ADGRF4: variants seen among roughly 807,000 people sequenced by gnomAD.
ADGRF4 encodes the protein G-protein coupled receptor PGR18.
ADGRF4 carries 63 observed loss-of-function variants against 58.5 expected under a neutral mutation model. That is an observed-to-expected ratio of 1.08 (90% CI 0.88 to 1.33). The LOEUF is 1.33. Ranked by LOEUF, ADGRF4 falls within the 40% of genes most tolerant of loss-of-function variation. The probability of loss-of-function intolerance (pLI) is 0.00; values close to 1 mark genes in which losing one functional copy is unlikely to be tolerated. For synonymous variants in ADGRF4, 313 were observed against 295.4 expected (o/e 1.06, Z -0.61); for missense variants, 931 against 843.9 (o/e 1.10, Z -1.28).
chr6:47,718,494 T>A, intron 9 of ADGRF4, 49 bp downstream of exon 9: 1 of 1,070,504 alleles, frequency 9.3e-7, no homozygotes, highest in South Asian at 1.3e-5. Context: ...TTTGTGTCAA[T>A]CCACCAATGC....
Position 47,712,618 on chromosome 6 carries a change from G to T in ADGRF4, c.552+10G>T. 6.4e-7 allele frequency: 1 copy of T among 1,561,496 alleles called. No homozygotes were observed. The highest frequency in any genetic ancestry group is 1.1e-5 in the South Asian group (1 of 88,584). On this transcript the variant is annotated intron_variant, in intron 5 of 9. Transcript: ENST00000283303. ...TCGAGAGAAAATGAAGGTATTCTTTGTTAATCATTTAAAAATGATGTTTTT... is the reference window on the plus strand; with the variant it reads ...TCGAGAGAAAATGAAGGTATTCTTTTTTAATCATTTAAAAATGATGTTTTT...
intron 5 of ADGRF4, 110 bp from the exon 6 acceptor site, chr6:47,713,688 T>C (rs1771925627): frequency 3.7e-6 from 3 of 817,658 alleles, no homozygotes; most frequent in Admixed American, 6.2e-5. Flanking sequence ...AAGAGAAATA[T>C]GCCAAATAAG....
At chr6:47,719,200 G>T (rs149463389) in intron 9 of ADGRF4, among the ~76,000 whole-genome samples, 1 of 152,278 alleles carries the variant, frequency 6.6e-6, no homozygotes, top group African/African-American at 2.4e-5. Flanking sequence ...GAGTCTCATG[G>T]AACCAAAGAC....
At chr6:47,719,969 C>T (rs914421440) in intron 9 of ADGRF4, among the ~76,000 whole-genome samples, 2 of 152,158 alleles carry the variant, frequency 1.3e-5, no homozygotes, top group African/African-American at 4.8e-5. Flanking sequence ...GGACTGGATT[C>T]TTTTAGCATA....
chr6:47,698,964 T>C (rs1209067794), intron 1 of ADGRF4, among the ~76,000 whole-genome samples, 170 bp downstream of exon 1: 4 of 152,178 alleles, frequency 2.6e-5, no homozygotes, highest in Non-Finnish European at 5.9e-5. Flanking sequence ...AAGGTTGGAG[T>C]ATTTCCTAAG....
At chr6:47,711,337 A>C (rs1219898861) in intron 4 of ADGRF4, among the ~76,000 whole-genome samples, 1 of 152,092 alleles carries the variant, frequency 6.6e-6, no homozygotes, top group Non-Finnish European at 1.5e-5. Context: ...ATCTCAGCTC[A>C]CTGCAACCTC....
chr6:47,715,177 G>A lies in ADGRF4; in HGVS notation c.1932G>A (p.Gln644=), dbSNP rs1210019261. ...TTTTTGCCTTGCTCAATGCTTTCCA[G>A]GTAAGTTCCAAGAGGGAGACTTTTC... ...HIIFALLNAF[Q]GFFILLFGTI... The change falls in exon 6 of 10, where the codon CAG becomes CAA. Residue 644 remains glutamine (Q), a splice_region_variant and synonymous_variant. Transcript: ENST00000283303. The A allele has an allele frequency of 6.4e-7, 1 of 1,571,144 alleles. No homozygotes were observed. Among genetic ancestry groups the A allele is most frequent in the South Asian group, 1.2e-5 (1 of 85,980 alleles).
chr6:47,699,447 G>C (rs9357557), intron 1 of ADGRF4, among the ~76,000 whole-genome samples: 143,948 of 152,324 alleles, frequency 0.95, 68,543 homozygotes, highest in East Asian at 1. Flanking sequence ...ATTGCTGGGC[G>C]TATAAATTTC....
Position 47,714,262 on chromosome 6 carries a change from C to G in ADGRF4, c.1017C>G (p.Ile339Met). ...LQEIILTFEK[I>M]NKTRNARAQC... is the part of the protein sequence containing the mutation. ...AAATCATACTCACCTTCGAAAAGAT[C>G]AATAAAACCCGCAATGCCAGAGCCC... The change falls in exon 6 of 10, where the codon ATC becomes ATG. Residue 339 changes from isoleucine (I) to methionine (M), a missense_variant. By Grantham distance (10) the Ile-to-Met change is conservative. Transcript: ENST00000283303. The G allele has an allele frequency of 1.2e-6, 2 of 1,614,108 alleles. No homozygotes were observed. The highest frequency in any genetic ancestry group is 1.7e-6 in the Non-Finnish European group (2 of 1,180,010).
rs191516086 is a variant in ADGRF4, at chr6:47,720,933, G to A, written c.*4-276G>A. 5.7e-3 allele frequency among the ~76,000 whole-genome samples: 862 copies of A among 152,284 alleles called. 2 individuals carry two copies. Among genetic ancestry groups the A allele is most frequent in the African/African-American group, 0.018 (728 of 41,550 alleles). On this transcript the variant is annotated intron_variant, in intron 9 of 9. Coordinates refer to ENST00000283303, the MANE Select transcript of ADGRF4 (RefSeq NM_153838.5). Reference sequence around the variant, plus strand: ...AGAATCCAAGTTCAGACAGCAGAGCGGGAGAGAGGGCACTGAGCACCGAGT... The same window carrying A: ...AGAATCCAAGTTCAGACAGCAGAGCAGGAGAGAGGGCACTGAGCACCGAGT...
At chr6:47,701,466 A>C (rs1023083) in intron 1 of ADGRF4, among the ~76,000 whole-genome samples, 86,341 of 152,020 alleles carry the variant, frequency 0.57, 25,299 homozygotes, top group Middle Eastern at 0.69. Flanking sequence ...TGGGAAGGAG[A>C]TGTGGAGCTG....
At chr6:47,718,726 G>A (rs1480667442) in intron 9 of ADGRF4, among the ~76,000 whole-genome samples, 1 of 152,184 alleles carries the variant, frequency 6.6e-6, no homozygotes, top group Non-Finnish European at 1.5e-5. Context: ...TTGTCAGTGA[G>A]TAATAACACT....
At chr6:47,706,675 G>A (rs1771718014) in intron 1 of ADGRF4, among the ~76,000 whole-genome samples, 1 of 152,196 alleles carries the variant, frequency 6.6e-6, no homozygotes, top group Admixed American at 6.5e-5. Flanking sequence ...CAATAGCACC[G>A]TCACAGAGAT....
intron 6 of ADGRF4, among the ~76,000 whole-genome samples, chr6:47,716,365 G>C (rs1003295433): frequency 2.6e-5 from 4 of 151,946 alleles, no homozygotes; most frequent in Non-Finnish European, 5.9e-5. Flanking sequence ...GGCCTTGGCT[G>C]TCTATTTACT....
intron 6 of ADGRF4, 184 bp downstream of exon 6, chr6:47,715,361 G>T: frequency 1.9e-6 from 1 of 534,598 alleles, no homozygotes. Flanking sequence ...GGGTGGTTGG[G>T]TGGAAATCTC....
intron 2 of ADGRF4, among the ~76,000 whole-genome samples, chr6:47,707,592 G>C (rs1293994391): frequency 6.6e-6 from 1 of 152,208 alleles, no homozygotes; most frequent in Non-Finnish European, 1.5e-5. Flanking sequence ...ATAGACTGCT[G>C]CTGAGAGAAG....
intron 1 of ADGRF4, 123 bp from the exon 2 acceptor site, chr6:47,707,107 G>A (rs1429924668): frequency 1.2e-5 from 8 of 644,362 alleles, no homozygotes; most frequent in Non-Finnish European, 2.3e-5. Context: ...AGGGCAGGCT[G>A]CTTTGGCATG....
intron 8 of ADGRF4, 135 bp downstream of exon 8, chr6:47,717,486 C>G: frequency 1.4e-6 from 1 of 699,776 alleles, no homozygotes; most frequent in Non-Finnish European, 2.7e-6. Context: ...TCATTCATTT[C>G]TTCATTCGGT....
rs567838423 is a variant in ADGRF4, at chr6:47,714,048, A to G, written c.803A>G (p.Asp268Gly). 3 of 1,613,376 alleles carry G rather than the reference A, an allele frequency of 1.9e-6. No individual in the cohort carries two copies. Among genetic ancestry groups the G allele is most frequent in the Admixed American group, 1.7e-5 (1 of 59,888 alleles). ...ATGAGCATGAACAATACCACAGAAGATATCTTAGGAATGGTACAGATTCCC... is the reference window on the plus strand; with the variant it reads ...ATGAGCATGAACAATACCACAGAAGGTATCTTAGGAATGGTACAGATTCCC... ...FSMSMNNTTEDILGMVQIPRQ... is the reference protein window; with the variant it reads ...FSMSMNNTTEGILGMVQIPRQ... The change falls in exon 6 of 10, where the codon GAT (aspartate) becomes GGT (glycine). Residue 268 changes from aspartate to glycine, a missense_variant. Physicochemically the swap from Asp to Gly is moderately conservative, Grantham distance 94 (BLOSUM62 -1). Transcript: ENST00000283303.
Sources: gnomAD v4.1 joint callset for allele counts (sites outside exome capture counted in the v4.1 genomes callset) on GRCh38, gnomAD v4.1.1 for gene constraint, MANE v1.5 for transcripts, NCBI Gene and HGNC (gene_info 2026-07-23, HGNC 2026-07-21) for gene names.